LRP2: variants seen among roughly 807,000 people sequenced by gnomAD.
LRP2 encodes low-density lipoprotein receptor-related protein 2.
In LRP2, 172 loss-of-function variants were observed where a neutral mutation model predicts 531.0. The observed-to-expected ratio is 0.32, with a 90% CI of 0.29 to 0.37. LRP2 has a LOEUF of 0.37. Among genes scored for constraint, LRP2 ranks in the 10% least tolerant of loss-of-function variants. The pLI is 1.00. For synonymous variants in LRP2, 1,992 were observed against 2,027.6 expected (o/e 0.98, Z 0.47); for missense variants, 5,167 against 5,868.3 (o/e 0.88, Z 3.90).
At chr2:169,197,294 A>G (rs1688038722) in intron 45 of LRP2, among the ~76,000 whole-genome samples, 1 of 152,224 alleles carries the variant, frequency 6.6e-6, no homozygotes, top group African/African-American at 2.4e-5. Context: ...AGAAATACCA[A>G]AGAACTATCT....
At chr2:169,303,731 A>C (rs1684342991) in intron 4 of LRP2, among the ~76,000 whole-genome samples, 1 of 152,044 alleles carries the variant, frequency 6.6e-6, no homozygotes, top group Non-Finnish European at 1.5e-5. Flanking sequence ...ATAAATAAAC[A>C]AGGTAGAGGG....
At chr2:169,267,710 G>A (rs1001143186) in intron 16 of LRP2, among the ~76,000 whole-genome samples, 8 of 152,224 alleles carry the variant, frequency 5.3e-5, no homozygotes, top group Middle Eastern at 3.4e-3. Flanking sequence ...AGAAGCGAGA[G>A]CAAACACATT....
At position 169,307,340 on chromosome 2, in the gene LRP2, C is replaced by T. The variant is rs1684446974; in HGVS notation, c.368G>A (p.Ser123Asn). 3.7e-6 allele frequency: 6 copies of T among 1,613,918 alleles called. No individual in the cohort carries two copies. Among genetic ancestry groups the T allele is most frequent in the Non-Finnish European group, 4.2e-6 (5 of 1,179,916 alleles). Residue 123 changes from serine (S) to asparagine (N), a missense_variant, in exon 4 of 79, where the codon AGT becomes AAT. Ser to Asn is a conservative substitution (Grantham distance 46). Transcript: ENST00000649046. ...ITCSNGQCIP[S>N]EYRCDHVRDC... ...TCTGACGTGGTCGCACCTGTATTCA[C>T]TTGGGATACACTGACCATTGGAGCA...
chr2:169,194,025 AGT>A lies in LRP2; in HGVS notation c.8699-135_8699-134del, dbSNP rs1173164646. On this transcript the variant is annotated intron_variant, in intron 46 of 78. Coordinates refer to ENST00000649046, the MANE Select transcript of LRP2 (RefSeq NM_004525.3). The stretch of plus-strand genomic sequence containing the variant: ...TTATTTAATTATATACATCTAGGGT[AGT>A]CCTCCAATAAGACTAGTACCAGCGA... 3.1e-6 allele frequency: 3 copies of A among 958,850 alleles called. No homozygotes were observed. In the African/African-American group the frequency reaches 4.8e-5, roughly 15 times the overall value. The allele number at this position is 958,850 out of a possible 1,614,324, so 59.4% of individuals were successfully genotyped here.
chr2:169,261,079 T>C (rs1283540449), intron 16 of LRP2, among the ~76,000 whole-genome samples: 1 of 151,752 alleles, frequency 6.6e-6, no homozygotes, highest in Non-Finnish European at 1.5e-5. Flanking sequence ...CAGTGAGAAA[T>C]GTGGAAGAAG....
In LRP2 at chr2:169,234,372, C is replaced by T. The variant is rs1689525054; in HGVS notation, c.4921-784G>A. On this transcript the variant is annotated intron_variant, in intron 29 of 78. Coordinates refer to ENST00000649046, the MANE Select transcript of LRP2 (RefSeq NM_004525.3). ...CCATGTGTTCTCATTGTTCAACTCTCACTTATGAGTGACAACATGAAGTGT... is the reference window on the plus strand; with the variant it reads ...CCATGTGTTCTCATTGTTCAACTCTTACTTATGAGTGACAACATGAAGTGT... Among the ~76,000 whole-genome samples the T allele has an allele frequency of 2.0e-5, 3 of 152,160 alleles. No individual in the cohort carries two copies. The South Asian group carries it at 6.2e-4, about 32-fold the overall frequency.
intron 29 of LRP2, among the ~76,000 whole-genome samples, chr2:169,234,115 T>C (rs915675971): frequency 1.3e-5 from 2 of 152,220 alleles, no homozygotes; most frequent in African/African-American, 4.8e-5. Flanking sequence ...TTTCTCTTTT[T>C]TAAATTGTTT....
chr2:169,164,742 C>G (rs577093931), intron 62 of LRP2, among the ~76,000 whole-genome samples: 82 of 152,270 alleles, frequency 5.4e-4, no homozygotes, highest in Non-Finnish European at 2.9e-5. Flanking sequence ...AGGTTGCTTC[C>G]TGTGGTGACT....
Position 169,144,937 on chromosome 2 carries a change from T to C in LRP2, c.12988+810A>G, listed in dbSNP as rs566533588. Among the ~76,000 whole-genome samples the C allele has an allele frequency of 6.6e-5, 10 of 152,324 alleles. No individual in the cohort carries two copies. The South Asian group carries it at 1.0e-3, about 16-fold the overall frequency. ...GCAAGATGCTGAGTTTTGGGTTGGATAGAATTGAACCTAAAAATTATTTCA... is the reference window on the plus strand; with the variant it reads ...GCAAGATGCTGAGTTTTGGGTTGGACAGAATTGAACCTAAAAATTATTTCA... On this transcript the variant is annotated intron_variant, in intron 70 of 78. Transcript: ENST00000649046.
intron 35 of LRP2, 40 bp from the exon 36 acceptor site, chr2:169,213,910 G>C: frequency 6.8e-7 from 1 of 1,460,992 alleles, no homozygotes; most frequent in Non-Finnish European, 9.6e-7. Context: ...TGGATTCATA[G>C]TGAAAATTTT....
chr2:169,214,064 C>T (rs552665016), intron 35 of LRP2, among the ~76,000 whole-genome samples, 194 bp from the exon 36 acceptor site: 2 of 152,220 alleles, frequency 1.3e-5, no homozygotes, highest in Non-Finnish European at 2.9e-5. Context: ...TGTCACTGTG[C>T]CCCTTTCATT....
At chr2:169,190,921 T>C (rs1687807384) in intron 48 of LRP2, among the ~76,000 whole-genome samples, 1 of 152,190 alleles carries the variant, frequency 6.6e-6, no homozygotes, top group Non-Finnish European at 1.5e-5. Flanking sequence ...AGTGGGATGA[T>C]GAGAAGTTGG....
chr2:169,212,923 T>TA (rs890462438), intron 36 of LRP2, among the ~76,000 whole-genome samples: 53 of 145,872 alleles, frequency 3.6e-4, no homozygotes, highest in East Asian at 2.0e-3. Context: ...TATGGAAAAA[T>TA]AAAAAAAAAA....
At chr2:169,255,427 G>C (rs538754571) in intron 19 of LRP2, among the ~76,000 whole-genome samples, 1 of 152,260 alleles carries the variant, frequency 6.6e-6, no homozygotes, top group South Asian at 2.1e-4. Flanking sequence ...TGAGAAGACA[G>C]GCAAGCACTG....
chr2:169,361,375 TCC>T (rs71957992), intron 1 of LRP2, among the ~76,000 whole-genome samples: 6,007 of 64,486 alleles, frequency 0.093, 347 homozygotes, highest in African/African-American at 0.15. Context: ...TCTCTCTCTC[TCC>T]CTCTCTCTCT....
intron 1 of LRP2, among the ~76,000 whole-genome samples, chr2:169,346,555 CAG>C (rs979300431): frequency 8.5e-5 from 13 of 152,146 alleles, no homozygotes; most frequent in African/African-American, 2.9e-4. Context: ...TAAAGAAAAA[CAG>C]AGCTAGGCAC....
chr2:169,355,973 C>T lies in LRP2; in HGVS notation c.79+6348G>A, dbSNP rs543528123. ...TGGCATGATCACAGCTCACTGTAGC[C>T]TCGACCTCCTGGGCTCAAGCGATCA... is the stretch of plus-strand genomic sequence containing the variant. On this transcript the variant is annotated intron_variant, in intron 1 of 78. Coordinates refer to ENST00000649046, the MANE Select transcript of LRP2 (RefSeq NM_004525.3). Among the ~76,000 whole-genome samples the T allele has an allele frequency of 4.6e-5, 7 of 152,296 alleles. No homozygotes were observed. The South Asian group carries it at 1.5e-3, about 32-fold the overall frequency.
In LRP2 at chr2:169,181,566, T is replaced by C. The variant is rs1320515140; in HGVS notation, c.10051A>G (p.Met3351Val). The C allele has an allele frequency of 2.5e-6, 4 of 1,614,078 alleles. No homozygotes were observed. Among genetic ancestry groups the C allele is most frequent in the African/African-American group, 1.3e-5 (1 of 74,936 alleles). ...GHRAYIGRVG[M>V]DGTNKSVIIS... Reference sequence around the variant, plus strand: ...ATCACAGACTTGTTGGTTCCATCCATGCCTACTCTCCCAATGTATGCGCGG... The same window carrying C: ...ATCACAGACTTGTTGGTTCCATCCACGCCTACTCTCCCAATGTATGCGCGG... Residue 3351 changes from methionine to valine, a missense_variant, in exon 52 of 79, where the codon ATG becomes GTG. Physicochemically the swap from Met to Val is conservative, Grantham distance 21. Coordinates refer to ENST00000649046, the MANE Select transcript of LRP2 (RefSeq NM_004525.3).
intron 3 of LRP2, among the ~76,000 whole-genome samples, chr2:169,315,710 CTTAG>C (rs1394043742): frequency 1.3e-5 from 2 of 151,986 alleles, no homozygotes; most frequent in Admixed American, 6.6e-5. Flanking sequence ...ACCAAAGAAT[CTTAG>C]TTAGATCAGC....
Sources: allele counts gnomAD v4.1 joint callset (sites outside exome capture counted in the v4.1 genomes callset), GRCh38; gene constraint gnomAD v4.1.1; transcripts MANE v1.5; gene names NCBI Gene and HGNC (gene_info 2026-07-23, HGNC 2026-07-21).